FLNB: variants seen among roughly 807,000 people sequenced by gnomAD.
The protein encoded by FLNB is filamin-B.
In FLNB, 111 loss-of-function variants were observed where a neutral mutation model predicts 250.6. The ratio of observed to expected loss-of-function variants is 0.44; its 90% confidence interval spans 0.38 to 0.52. FLNB has a LOEUF of 0.52. FLNB is among the 20% of genes least tolerant of loss of function. The pLI, the probability that FLNB is intolerant of heterozygous loss-of-function variation, is 0.00. For missense variants in FLNB, 2,869 were observed against 3,447.8 expected, an observed-to-expected ratio of 0.83 and a Z score of 4.20; for synonymous variants, 1,302 against 1,372.1, an observed-to-expected ratio of 0.95 and a Z score of 1.13.
Position 58,102,219 on chromosome 3 carries a change from C to G in FLNB, c.1362C>G (p.Ala454=). 1 of 1,614,228 alleles carries G rather than the reference C, an allele frequency of 6.2e-7. No individual in the cohort carries two copies. The highest frequency in any genetic ancestry group is 2.2e-5 in the East Asian group (1 of 44,888). The change falls in exon 9 of 46, where the codon GCC becomes GCG. Residue 454 remains alanine, a synonymous_variant. Transcript: ENST00000295956. The part of the protein sequence containing the change: ...VQVGEACNPN[A]CRASGRGLQP... The stretch of plus-strand genomic sequence containing the variant: ...TGCTTGCAGCCTGCAATCCAAATGC[C>G]TGCCGGGCCAGTGGCCGAGGCCTAC...
At chr3:58,165,824 A>G (rs1304516962) in intron 43 of FLNB, 1 of 152,130 alleles carries the variant, frequency 6.6e-6, no homozygotes, top group Non-Finnish European at 1.5e-5. Flanking sequence ...TTGAAGAACA[A>G]GCAGTGCTGC....
intron 1 of FLNB, among the ~76,000 whole-genome samples, chr3:58,044,596 G>T (rs1372851859): frequency 6.6e-6 from 1 of 152,186 alleles, no homozygotes; most frequent in Non-Finnish European, 1.5e-5. Context: ...CTGCGCTCCA[G>T]CCTGGGTGAC....
intron 4 of FLNB, among the ~76,000 whole-genome samples, chr3:58,087,051 CA>C (rs1398074199): frequency 1.3e-5 from 2 of 152,146 alleles, no homozygotes; most frequent in East Asian, 3.9e-4. Context: ...GTGGAGGTTG[CA>C]GTGAACCGAG....
At chr3:58,109,770 A>G in intron 15 of FLNB, 71 bp downstream of exon 15, 1 of 1,606,774 alleles carries the variant, frequency 6.2e-7, no homozygotes, top group Admixed American at 1.7e-5. Context: ...ATAACGTTTC[A>G]ATGCCTTTTG....
chr3:58,036,097 TG>T (rs1213362095), intron 1 of FLNB, among the ~76,000 whole-genome samples: 7 of 152,182 alleles, frequency 4.6e-5, no homozygotes, highest in Non-Finnish European at 8.8e-5. Context: ...CTGATTCAGA[TG>T]AAAGAGGACC....
At chr3:58,161,276 G>A (rs2097361245) in intron 42 of FLNB, among the ~76,000 whole-genome samples, 1 of 152,176 alleles carries the variant, frequency 6.6e-6, no homozygotes, top group Admixed American at 6.5e-5. Flanking sequence ...TGATTGGGTC[G>A]GAAGATGACA....
In FLNB at chr3:58,028,408, A is replaced by G. The variant is rs1488690373; in HGVS notation, c.292+19552A>G. ...GAATTTTTTTTAATTTAAATTTCCC[A>G]TGAAATATAAATCTATTTCATTCCA... On this transcript the variant is annotated intron_variant, in intron 1 of 45. Coordinates refer to ENST00000295956, the MANE Select transcript of FLNB (RefSeq NM_001457.4). 4.6e-5 allele frequency among the ~76,000 whole-genome samples: 7 copies of G among 151,950 alleles called. No homozygotes were observed. The South Asian group carries it at 6.2e-4, about 14-fold the overall frequency.
At chr3:58,150,480 G>A in intron 38 of FLNB, 2 of 550,538 alleles carry the variant, frequency 3.6e-6, no homozygotes, top group Non-Finnish European at 6.5e-6. Flanking sequence ...TGTCACATGG[G>A]GGAAACGTAG....
intron 23 of FLNB, among the ~76,000 whole-genome samples, chr3:58,126,274 G>A (rs2097297680): frequency 6.6e-6 from 1 of 152,100 alleles, no homozygotes; most frequent in Admixed American, 6.5e-5. Context: ...CTACTACTTG[G>A]GAGGCTGAGG....
chr3:58,138,962 C>G lies in FLNB; in HGVS notation c.5109+433C>G, dbSNP rs577392059. ...TGCTGTTTTGTTTGGAGACTTGACTCTGAAATCCCAGGACTCAAAGTACCT... is the reference window on the plus strand; with the variant it reads ...TGCTGTTTTGTTTGGAGACTTGACTGTGAAATCCCAGGACTCAAAGTACCT... On this transcript the variant is annotated intron_variant, in intron 29 of 45. Transcript: ENST00000295956. 1.2e-4 allele frequency among the ~76,000 whole-genome samples: 18 copies of G among 152,306 alleles called. No individual in the cohort carries two copies. The East Asian group carries it at 3.3e-3, about 28-fold the overall frequency.
chr3:58,054,551 C>T (rs1267094205), intron 1 of FLNB, among the ~76,000 whole-genome samples: 1 of 152,168 alleles, frequency 6.6e-6, no homozygotes, highest in African/African-American at 2.4e-5. Context: ...CAAACATGTC[C>T]TTCTTCACAT....
At position 58,124,368 on chromosome 3, in the gene FLNB, A is replaced by G; in HGVS notation, c.3761A>G (p.Asp1254Gly). The G allele has an allele frequency of 6.2e-7, 1 of 1,613,724 alleles. No homozygotes were observed. The change falls in exon 22 of 46, where the codon GAC becomes GGC. Residue 1254 changes from aspartate (D) to glycine (G), a missense_variant. Transcript: ENST00000295956. ...FREATTDFTV[D>G]SRPLTQVGGD... ...GAAGCTACCACCGACTTTACAGTTG[A>G]CTCTCGGCCGCTGACCCAGGTTGGG...
intron 25 of FLNB, among the ~76,000 whole-genome samples, chr3:58,131,710 A>T (rs1401193706): frequency 6.6e-6 from 1 of 152,158 alleles, no homozygotes; most frequent in Non-Finnish European, 1.5e-5. Context: ...TTATCTTTTG[A>T]AGCTCAGGGC....
intron 1 of FLNB, among the ~76,000 whole-genome samples, chr3:58,054,829 A>G (rs2097167787): frequency 6.6e-6 from 1 of 152,220 alleles, no homozygotes; most frequent in African/African-American, 2.4e-5. Flanking sequence ...TGGGGGCCAT[A>G]TCTGGTCCTC....
chr3:58,125,432 C>A, intron 22 of FLNB, 149 bp from the exon 23 acceptor site: 1 of 939,912 alleles, frequency 1.1e-6, no homozygotes, highest in Non-Finnish European at 1.6e-6. Context: ...TGCCCCCAGC[C>A]ACATTACTGT....
chr3:58,096,536 T>C (rs1336633178), intron 6 of FLNB, among the ~76,000 whole-genome samples: 1 of 152,078 alleles, frequency 6.6e-6, no homozygotes, highest in East Asian at 1.9e-4. Context: ...GGAGACAGGG[T>C]CTTGCTCTGT....
At chr3:58,166,116 C>A (rs1488187257) in intron 43 of FLNB, 1 of 152,184 alleles carries the variant, frequency 6.6e-6, no homozygotes, top group Non-Finnish European at 1.5e-5. Context: ...GCTTCCTTTC[C>A]TGTAAAACAG....
chr3:58,039,035 T>C (rs1331144476), intron 1 of FLNB, among the ~76,000 whole-genome samples: 1 of 150,752 alleles, frequency 6.6e-6, no homozygotes, highest in Non-Finnish European at 1.5e-5. Flanking sequence ...TTTTTTTTTT[T>C]TTTTAAAAAA....
At chr3:58,112,050 G>GTCATAAT in intron 17 of FLNB, 99 bp from the exon 18 acceptor site, 2 of 1,290,932 alleles carry the variant, frequency 1.5e-6, no homozygotes, top group Admixed American at 3.4e-5. Flanking sequence ...GTTGCTGGCT[G>GTCATAAT]TCATAATAGA....
Sources: allele counts gnomAD v4.1 joint callset (sites outside exome capture counted in the v4.1 genomes callset), GRCh38; gene constraint gnomAD v4.1.1; transcripts MANE v1.5; gene names NCBI Gene and HGNC (gene_info 2026-07-23, HGNC 2026-07-21).